The following CRAMP1 variants were observed in gnomAD, a reference collection of about 807,000 sequenced individuals.
CRAMP1 encodes protein cramped-like.
A neutral mutation model predicts 115.4 loss-of-function variants in CRAMP1; 50 were observed. That is an observed-to-expected ratio of 0.43 (90% CI 0.35 to 0.55). The LOEUF is 0.55. Among genes scored for constraint, CRAMP1 ranks in the 20% least tolerant of loss-of-function variants. CRAMP1 has a pLI of 0.01. For missense variants in CRAMP1, 1,679 were observed against 1,721.7 expected, an observed-to-expected ratio of 0.98 and a Z score of 0.44; for synonymous variants, 866 against 745.4, an observed-to-expected ratio of 1.16 and a Z score of -2.64.
chr16:1,633,999 G>C (rs564787842), intron 4 of CRAMP1, among the ~76,000 whole-genome samples: 2 of 151,408 alleles, frequency 1.3e-5, no homozygotes, highest in Non-Finnish European at 1.5e-5. Context: ...CTGCACTCCA[G>C]CTTGGCCACA....
intron 20 of CRAMP1, among the ~76,000 whole-genome samples, chr16:1,673,396 C>A (rs1052048430): frequency 6.6e-6 from 1 of 152,206 alleles, no homozygotes; most frequent in African/African-American, 2.4e-5. Flanking sequence ...ATGTGTCCCC[C>A]ACCTGTCCTC....
At chr16:1,622,980 C>G (rs763356869) in intron 2 of CRAMP1, among the ~76,000 whole-genome samples, 1 of 151,942 alleles carries the variant, frequency 6.6e-6, no homozygotes, top group Non-Finnish European at 1.5e-5. Context: ...AGACTGATCT[C>G]GAATTCCTGA....
At chr16:1,612,733 C>CG (rs372565292) in intron 1 of CRAMP1, among the ~76,000 whole-genome samples, 76 bp downstream of exon 1, 2,120 of 151,100 alleles carry the variant, frequency 0.014, 37 homozygotes, top group African/African-American at 0.039. Flanking sequence ...CGGGAGAGCG[C>CG]GGGGGGGGCG....
intron 2 of CRAMP1, among the ~76,000 whole-genome samples, chr16:1,619,811 G>A (rs1020244238): frequency 2.6e-5 from 4 of 152,154 alleles, no homozygotes; most frequent in Admixed American, 1.3e-4. Flanking sequence ...AGAGGGTGTC[G>A]TGGAGACCAT....
Position 1,668,993 on chromosome 16 carries a change from G to A in CRAMP1, c.3335-8G>A, listed in dbSNP as rs1455209621. Reference sequence around the variant, plus strand: ...AAGGCGTTTCTGATCTGGGATCTTGGTTGGCAGGTGAAGGAGTCCCTCTTT... The same window carrying A: ...AAGGCGTTTCTGATCTGGGATCTTGATTGGCAGGTGAAGGAGTCCCTCTTT... On this transcript the variant is annotated splice_polypyrimidine_tract_variant and splice_region_variant and intron_variant, in intron 18 of 20. Transcript: ENST00000397412. 6.2e-7 allele frequency: 1 copy of A among 1,612,654 alleles called. No individual in the cohort carries two copies. Among genetic ancestry groups the A allele is most frequent in the Admixed American group, 1.7e-5 (1 of 59,844 alleles).
intron 4 of CRAMP1, among the ~76,000 whole-genome samples, chr16:1,636,371 C>CA (rs567829484): frequency 0.01 from 1,296 of 124,264 alleles, 15 homozygotes; most frequent in African/African-American, 0.028. Context: ...AACTCTGTCT[C>CA]AAAAAAAAAA....
chr16:1,618,112 T>G (rs1283810335), intron 2 of CRAMP1, among the ~76,000 whole-genome samples: 1 of 152,194 alleles, frequency 6.6e-6, no homozygotes, highest in Non-Finnish European at 1.5e-5. Flanking sequence ...CCTGATACCT[T>G]TCCCTATTTG....
Position 1,641,177 on chromosome 16 carries a change from A to G in CRAMP1, c.817A>G (p.Ile273Val). Residue 273 changes from isoleucine (I) to valine (V), a missense_variant, in exon 6 of 21, where the codon ATT (isoleucine) becomes GTT (valine). Around this residue, in one of 8 missense-constraint regions of CRAMP1, gnomAD observed 13 missense variants for 46.9 expected, o/e 0.28. Transcript: ENST00000397412. ...GAATGCAACAAAGCTGAATGAACTC[A>G]TTCAGGTTGGGTAAGTCCCAGTTTC... ...DKNATKLNEL[I>V]QVGATTVRYK... 2 of 1,610,726 alleles carry G rather than the reference A, an allele frequency of 1.2e-6. No individual in the cohort carries two copies. The highest frequency in any genetic ancestry group is 1.7e-6 in the Non-Finnish European group (2 of 1,176,940).
intron 14 of CRAMP1, 74 bp from the exon 15 acceptor site, chr16:1,665,999 C>G (rs2036872147): frequency 3.1e-6 from 3 of 966,814 alleles, no homozygotes; most frequent in Non-Finnish European, 4.8e-6. Flanking sequence ...AAAGGAAGCC[C>G]CCTGCGGCCA....
chr16:1,614,615 C>T lies in CRAMP1; in HGVS notation c.-1-24C>T. ...TCCCGGCCTGCGCCCGCCTCACCGG[C>T]CGCCTCCCCTCTCCCGGCCGCAGGA... On this transcript the variant is annotated intron_variant, in intron 1 of 20. Transcript: ENST00000397412. The surrounding 1 kb of genome is among the most constrained non-coding windows in gnomAD (Gnocchi z 4.4). The T allele has an allele frequency of 2.5e-6, 3 of 1,222,226 alleles. No homozygotes were observed. Among genetic ancestry groups the T allele is most frequent in the Non-Finnish European group, 1.0e-6 (1 of 976,162 alleles). The allele number at this position is 1,222,226 out of a possible 1,614,324, so 75.7% of individuals were successfully genotyped here.
rs749758234 is a variant in CRAMP1, at chr16:1,666,209, G to T, written c.2857+32G>T. 2.0e-5 allele frequency: 30 copies of T among 1,469,862 alleles called. No homozygotes were observed. Among genetic ancestry groups the T allele is most frequent in the Non-Finnish European group, 2.6e-5 (28 of 1,060,724 alleles). The allele number at this position is 1,469,862 out of a possible 1,614,324, so 91.1% of individuals were successfully genotyped here. A position where few individuals can be genotyped will look rare whatever the true frequency, so the allele number is the denominator to read the frequency against. ...CTGTACCTGCATGGCCACAGCCACT[G>T]AGTGAGCCTCTGAGGGATGTTTTTG... On this transcript the variant is annotated intron_variant, in intron 15 of 20. Transcript: ENST00000397412. This position sits in a 1 kb window ranked among gnomAD's most constrained non-coding sequence, Gnocchi z 5.0.
At chr16:1,645,171 A>G (rs2036663499) in intron 6 of CRAMP1, among the ~76,000 whole-genome samples, 1 of 151,592 alleles carries the variant, frequency 6.6e-6, no homozygotes, top group Non-Finnish European at 1.5e-5. Flanking sequence ...CCCATTATTA[A>G]CACTTCGTTG....
rs775413489 is a variant in CRAMP1 at position 1,662,604 on chromosome 16, A to G, written c.2528A>G (p.His843Arg). The change falls in exon 12 of 21, where the codon CAC (histidine) becomes CGC (arginine). Residue 843 changes from histidine to arginine, a missense_variant. Coordinates refer to ENST00000397412, the MANE Select transcript of CRAMP1 (RefSeq NM_020825.4). Reference sequence around the variant, plus strand: ...ACAACCTTGCCACCCAACAGCCGACACGGGAAGCTCTTCTCTCCCAGTAAA... The same window carrying G: ...ACAACCTTGCCACCCAACAGCCGACGCGGGAAGCTCTTCTCTCCCAGTAAA... Reference protein sequence around the residue: ...VPTTLPPNSRHGKLFSPSKEA... With the variant: ...VPTTLPPNSRRGKLFSPSKEA... 1.2e-6 allele frequency: 2 copies of G among 1,614,004 alleles called. No individual in the cohort carries two copies. The highest frequency in any genetic ancestry group is 2.2e-5 in the East Asian group (1 of 44,878).
chr16:1,625,859 A>C (rs1232009062), intron 2 of CRAMP1, 114 bp from the exon 3 acceptor site: 1 of 1,038,484 alleles, frequency 9.6e-7, no homozygotes, highest in Non-Finnish European at 1.4e-6. Flanking sequence ...TCCTCGGTTG[A>C]GGAGTGTGGA....
intron 18 of CRAMP1, 39 bp from the exon 19 acceptor site, chr16:1,668,962 C>T (rs775693451): frequency 1.5e-5 from 24 of 1,605,866 alleles, no homozygotes; most frequent in Middle Eastern, 1.7e-4. Flanking sequence ...TTCACCACCC[C>T]GCAACAAGGC....
rs562220790 is a variant in CRAMP1 at position 1,614,311 on chromosome 16, C to CCCGGGGCCGGGGCCGGGG, written c.-1-316_-1-299dup. Among the ~76,000 whole-genome samples, 8,639 of 144,208 alleles carry CCCGGGGCCGGGGCCGGGG rather than the reference C, an allele frequency of 0.06. 356 individuals carry two copies. Among genetic ancestry groups the CCCGGGGCCGGGGCCGGGG allele is most frequent in the African/African-American group, 0.085 (3,411 of 40,054 alleles). 94.6% of individuals were successfully genotyped at this position (144,208 alleles called of 152,430 possible). On this transcript the variant is annotated intron_variant, in intron 1 of 20. Transcript: ENST00000397412. This position sits in a 1 kb window ranked among gnomAD's most constrained non-coding sequence, Gnocchi z 4.4. ...CGCCCGCGCCGGGGCTCCCATAGAC[C>CCCGGGGCCGGGGCCGGGG]CCGGGGCCGGGGCCGGGGCCGGGGC...
At position 1,614,931 on chromosome 16, in the gene CRAMP1, C is replaced by T. The variant is rs1273510180; in HGVS notation, c.292C>T (p.Pro98Ser). Residue 98 changes from proline to serine, a missense_variant, in exon 2 of 21, where the codon CCT (proline) becomes TCT (serine). Pro to Ser is a moderately conservative substitution (Grantham distance 74). Transcript: ENST00000397412. The surrounding 1 kb of genome is among the most constrained non-coding windows in gnomAD (Gnocchi z 4.4). ...RPQSKRPRKD[P>S]PSAVGSGNAG... ...GCAGAGCAAGAGGCCCAGGAAGGAT[C>T]CTCCGAGCGCTGTGGGGAGCGGCAA... 7.8e-7 allele frequency: 1 copy of T among 1,277,364 alleles called. No homozygotes were observed. The highest frequency in any genetic ancestry group is 9.9e-7 in the Non-Finnish European group (1 of 1,014,802). The allele number at this position is 1,277,364 out of a possible 1,614,324, so 79.1% of individuals were successfully genotyped here.
intron 5 of CRAMP1, among the ~76,000 whole-genome samples, chr16:1,639,349 G>A (rs763688438): frequency 9.2e-5 from 14 of 151,846 alleles, no homozygotes; most frequent in Middle Eastern, 6.8e-3. Context: ...GAGTGGGCCC[G>A]GACGTAGGGG....
At position 1,666,049 on chromosome 16, in the gene CRAMP1, C is replaced by T. The variant is rs2036872919; in HGVS notation, c.2753-24C>T. On this transcript the variant is annotated intron_variant, in intron 14 of 20. Transcript: ENST00000397412. This position sits in a 1 kb window ranked among gnomAD's most constrained non-coding sequence, Gnocchi z 5.0. ...GGCATGGCGGGCGGGCTCGACATGT[C>T]TGCTTTTGCCCTCGCCCTCGCAGGG... The T allele has an allele frequency of 2.0e-6, 3 of 1,530,070 alleles. No individual in the cohort carries two copies. In the African/African-American group the frequency reaches 4.1e-5, roughly 21 times the overall value. The allele number at this position is 1,530,070 out of a possible 1,614,324, so 94.8% of individuals were successfully genotyped here.
Sources: gnomAD v4.1 joint callset for allele counts (sites outside exome capture counted in the v4.1 genomes callset) on GRCh38, gnomAD v4.1.1 for gene constraint, gnomAD v4.1.1 regional missense constraint, Gnocchi (gnomAD v3.1) non-coding constraint, MANE v1.5 for transcripts, NCBI Gene and HGNC (gene_info 2026-07-23, HGNC 2026-07-21) for gene names.